MYO7B: variants seen among roughly 807,000 people sequenced by gnomAD.
MYO7B encodes the protein myosin VIIB, also known as unconventional myosin-VIIb.
MYO7B carries 212 observed loss-of-function variants against 259.7 expected under a neutral mutation model. That is an observed-to-expected ratio of 0.82 (90% CI 0.73 to 0.91). MYO7B has a LOEUF of 0.91. Ranked by LOEUF, MYO7B falls within the 40% of genes least tolerant of loss-of-function variation. The pLI, the probability that MYO7B is intolerant of heterozygous loss-of-function variation, is 0.00. For synonymous variants in MYO7B, 1,197 were observed against 1,166.4 expected, an observed-to-expected ratio of 1.03 and a Z score of -0.54; for missense variants, 2,732 against 2,813.5, an observed-to-expected ratio of 0.97 and a Z score of 0.66.
At chr2:127,579,375 T>C (rs1396083080) in intron 9 of MYO7B, among the ~76,000 whole-genome samples, 1 of 152,160 alleles carries the variant, frequency 6.6e-6, no homozygotes, top group Non-Finnish European at 1.5e-5. Flanking sequence ...GGCCACCATC[T>C]CACGCCATGT....
intron 29 of MYO7B, 98 bp downstream of exon 29, chr2:127,623,473 A>G: frequency 7.7e-7 from 1 of 1,291,174 alleles, no homozygotes; most frequent in South Asian, 1.5e-5. Flanking sequence ...CCCGGCCACC[A>G]CCTACCCTCC....
At chr2:127,604,867 T>C (rs762201330) in intron 19 of MYO7B, among the ~76,000 whole-genome samples, 22 of 152,256 alleles carry the variant, frequency 1.4e-4, no homozygotes, top group Non-Finnish European at 2.5e-4. Flanking sequence ...ACAATTCCAA[T>C]TGTAACACTA....
rs528437377 is a variant in MYO7B at position 127,541,476 on chromosome 2, G to C, written c.-24+5645G>C. 2.1e-4 allele frequency among the ~76,000 whole-genome samples: 32 copies of C among 152,358 alleles called. No homozygotes were observed. In the East Asian group the frequency reaches 5.6e-3, roughly 27 times the overall value. The stretch of plus-strand genomic sequence containing the variant: ...CTGTACAGGATCCACTGGTAGCAGA[G>C]GGTGTCAGACTTCAGTTCTGATTGA... On this transcript the variant is annotated intron_variant, in intron 1 of 47. Transcript: ENST00000409816.
At chr2:127,598,499 A>T (rs1243451828) in intron 19 of MYO7B, among the ~76,000 whole-genome samples, 1 of 152,160 alleles carries the variant, frequency 6.6e-6, no homozygotes, top group Non-Finnish European at 1.5e-5. Flanking sequence ...TCTGTCAGCT[A>T]TGTGGTTTGT....
At position 127,617,487 on chromosome 2, in the gene MYO7B, GTTTTTTTTTTTT is replaced by G. The variant is rs35542480; in HGVS notation, c.3399-2838_3399-2827del. On this transcript the variant is annotated intron_variant, in intron 26 of 47. Coordinates refer to ENST00000409816, the MANE Select transcript of MYO7B (RefSeq NM_001393586.1). ...ATGCTGCCAGCAGACTTGTAACGGGGTTTTTTTTTTTTTTTTTTTTTTTTTTGAGACGGAGTC... is the reference window on the plus strand; with the variant it reads ...ATGCTGCCAGCAGACTTGTAACGGGGTTTTTTTTTTTTTTGAGACGGAGTC... 1.1e-4 allele frequency among the ~76,000 whole-genome samples: 9 copies of G among 84,824 alleles called. No homozygotes were observed. The South Asian group carries it at 3.5e-3, about 33-fold the overall frequency. The allele number at this position is 84,824 out of a possible 152,430, so 55.6% of individuals were successfully genotyped here.
chr2:127,588,686 T>C (rs564298276), intron 15 of MYO7B, 131 bp downstream of exon 15: 7 of 992,610 alleles, frequency 7.1e-6, no homozygotes, highest in African/African-American at 1.6e-5. Flanking sequence ...AATCCTGCAA[T>C]GGATGGATGG....
rs1421614106 is a variant in MYO7B, at chr2:127,590,095, G to A, written c.1858G>A (p.Ala620Thr). The A allele has an allele frequency of 1.3e-6, 2 of 1,576,636 alleles. No homozygotes were observed. Among genetic ancestry groups the A allele is most frequent in the Non-Finnish European group, 1.7e-6 (2 of 1,161,574 alleles). ...TGCTCTGTGCTTCCATTCACAGTCT[G>A]CAGACTCAAATAAACGGCCCTCCAC... ...AKAGNHLFKS[A>T]DSNKRPSTLG... Residue 620 changes from alanine to threonine, a missense_variant, in exon 16 of 48, where the codon GCA becomes ACA. By Grantham distance (58) the Ala-to-Thr change is moderately conservative. This residue lies in a region of MYO7B where 1,906 missense variants were observed against 2,026.4 expected (regional missense o/e 0.94). Transcript: ENST00000409816. This position sits in a 1 kb window ranked among gnomAD's most constrained non-coding sequence, Gnocchi z 4.6.
Position 127,627,463 on chromosome 2 carries a change from C to T in MYO7B, c.4460+153C>T. ...ATCTACGTATGCGATGGCTTCTGTA[C>T]TTCGGAGCCCCACCCTCCTGCACCA... is the stretch of plus-strand genomic sequence containing the variant. On this transcript the variant is annotated intron_variant, in intron 33 of 47. Coordinates refer to ENST00000409816, the MANE Select transcript of MYO7B (RefSeq NM_001393586.1). The surrounding 1 kb of genome is among the most constrained non-coding windows in gnomAD (Gnocchi z 5.6). 9.5e-7 allele frequency: 1 copy of T among 1,049,990 alleles called. No homozygotes were observed. Among genetic ancestry groups the T allele is most frequent in the Non-Finnish European group, 1.4e-6 (1 of 708,174 alleles). 65.0% of individuals were successfully genotyped at this position (1,049,990 alleles called of 1,614,324 possible).
chr2:127,571,760 G>A lies in MYO7B; in HGVS notation c.592+1850G>A, dbSNP rs181493714. Among the ~76,000 whole-genome samples, 494 of 152,156 alleles carry A rather than the reference G, an allele frequency of 3.2e-3. 5 individuals are homozygous for A. Among genetic ancestry groups the A allele is most frequent in the African/African-American group, 0.011 (454 of 41,514 alleles). On this transcript the variant is annotated intron_variant, in intron 6 of 47. Coordinates refer to ENST00000409816, the MANE Select transcript of MYO7B (RefSeq NM_001393586.1). The stretch of plus-strand genomic sequence containing the variant: ...CTCCCAAAGTGCTGGGATTACAGGC[G>A]TGAGCCACTGTGCCTGGCCATTAGT...
chr2:127,637,082 C>A, intron 47 of MYO7B, 169 bp downstream of exon 47: 2 of 1,271,664 alleles, frequency 1.6e-6, no homozygotes, highest in Non-Finnish European at 1.1e-6. Context: ...GGACCAGCAG[C>A]CAAGGTGGCA....
chr2:127,623,567 C>T (rs1454034078), intron 29 of MYO7B, among the ~76,000 whole-genome samples, 192 bp downstream of exon 29: 1 of 152,178 alleles, frequency 6.6e-6, no homozygotes, highest in Non-Finnish European at 1.5e-5. Context: ...GCCTTTCCTC[C>T]CGCACTCATA....
chr2:127,621,093 G>A (rs1373289312), intron 27 of MYO7B, among the ~76,000 whole-genome samples: 1 of 152,100 alleles, frequency 6.6e-6, no homozygotes, highest in Non-Finnish European at 1.5e-5. Context: ...CACGGTCACT[G>A]AAGCCATCTG....
In MYO7B at chr2:127,625,380, G is replaced by T; in HGVS notation, c.4060G>T (p.Val1354Phe). ...CTGGGCTGTGCAGGAGGAAGAGCTG[G>T]TTGAGCTGCTGGCCCGGCACTGCTA... ...EYSFEKEEEL[V>F]ELLARHCYVQ... is the part of the protein sequence containing the mutation. The change falls in exon 31 of 48, where the codon GTT becomes TTT. Residue 1354 changes from valine (V) to phenylalanine (F), a missense_variant. Coordinates refer to ENST00000409816, the MANE Select transcript of MYO7B (RefSeq NM_001393586.1). 6.3e-7 allele frequency: 1 copy of T among 1,585,684 alleles called. No individual in the cohort carries two copies. Among genetic ancestry groups the T allele is most frequent in the Non-Finnish European group, 8.6e-7 (1 of 1,166,630 alleles).
rs1681496988 is a variant in MYO7B, at chr2:127,631,355, T to C, written c.5087T>C (p.Ile1696Thr). The C allele has an allele frequency of 1.9e-6, 3 of 1,607,644 alleles. No homozygotes were observed. The highest frequency in any genetic ancestry group is 1.7e-6 in the Non-Finnish European group (2 of 1,175,910). Residue 1696 changes from isoleucine (I) to threonine (T), a missense_variant, in exon 37 of 48, where the codon ATC (isoleucine) becomes ACC (threonine). By Grantham distance (89) the Ile-to-Thr change is moderately conservative. Coordinates refer to ENST00000409816, the MANE Select transcript of MYO7B (RefSeq NM_001393586.1). Reference sequence around the variant, plus strand: ...GACCTCTGGGACATCGCCTGCCAGATCTTTGTCGATATCCTTCCCCACCAG... The same window carrying C: ...GACCTCTGGGACATCGCCTGCCAGACCTTTGTCGATATCCTTCCCCACCAG... ...NVDLWDIACQIFVAILRYMGD... is the reference protein window; with the variant it reads ...NVDLWDIACQTFVAILRYMGD...
At chr2:127,565,789 G>A (rs1322504949) in intron 4 of MYO7B, among the ~76,000 whole-genome samples, 1 of 152,250 alleles carries the variant, frequency 6.6e-6, no homozygotes, top group East Asian at 1.9e-4. Context: ...AGACGAGGGG[G>A]CCATGGGGAT....
At chr2:127,620,494 G>C in intron 27 of MYO7B, 28 bp downstream of exon 27, 1 of 1,072,954 alleles carries the variant, frequency 9.3e-7, no homozygotes, top group Non-Finnish European at 1.3e-6. Context: ...GGGAGGGCGG[G>C]CAGGGGGCAG....
chr2:127,556,258 T>C (rs1046296452), intron 1 of MYO7B, among the ~76,000 whole-genome samples: 4 of 152,228 alleles, frequency 2.6e-5, no homozygotes, highest in African/African-American at 9.6e-5. Context: ...AATGTCTTTT[T>C]CCACCCCTTT....
At chr2:127,554,557 C>T (rs1693568082) in intron 1 of MYO7B, among the ~76,000 whole-genome samples, 2 of 151,980 alleles carry the variant, frequency 1.3e-5, no homozygotes, top group East Asian at 1.9e-4. Context: ...TTGGTTATGT[C>T]CTTTTCTGGT....
intron 12 of MYO7B, 139 bp downstream of exon 12, chr2:127,582,585 A>G: frequency 9.7e-7 from 1 of 1,035,938 alleles, no homozygotes; most frequent in Non-Finnish European, 1.4e-6. Flanking sequence ...TGTGCTCTGC[A>G]TGGGGTGGCT....
Sources: gnomAD v4.1 joint callset for allele counts (sites outside exome capture counted in the v4.1 genomes callset) on GRCh38, gnomAD v4.1.1 for gene constraint, gnomAD v4.1.1 regional missense constraint, Gnocchi (gnomAD v3.1) non-coding constraint, MANE v1.5 for transcripts, NCBI Gene and HGNC (gene_info 2026-07-23, HGNC 2026-07-21) for gene names.